DNAJC16: variants seen among roughly 807,000 people sequenced by gnomAD.
DNAJC16 encodes DnaJ heat shock protein family (Hsp40) member C16, also known as dnaJ homolog subfamily C member 16.
Under a neutral mutation model 92.7 loss-of-function variants are expected in DNAJC16, and 76 were observed. The observed-to-expected ratio is 0.82, with a 90% CI of 0.68 to 0.99. The LOEUF is 0.99. DNAJC16 is among the 50% of genes least tolerant of loss of function. The pLI, the probability that DNAJC16 is intolerant of heterozygous loss-of-function variation, is 0.00. For missense variants in DNAJC16, 869 were observed against 942.4 expected (o/e 0.92, Z 1.02); for synonymous variants, 328 against 358.7 (o/e 0.91, Z 0.97).
At chr1:15,565,857 CT>C (rs541210442) in intron 11 of DNAJC16, 61 bp from the exon 12 acceptor site, 4 of 1,523,554 alleles carry the variant, frequency 2.6e-6, no homozygotes, top group Admixed American at 1.9e-5. Context: ...TTTATTTTAT[CT>C]TTTTTTAGCT....
intron 8 of DNAJC16, 91 bp from the exon 9 acceptor site, chr1:15,562,051 G>T (rs2103425533): frequency 7.5e-7 from 1 of 1,335,080 alleles, no homozygotes; most frequent in Non-Finnish European, 1.0e-6. Context: ...CATAAGATGA[G>T]CTCCTCGTCT....
intron 4 of DNAJC16, among the ~76,000 whole-genome samples, chr1:15,539,647 C>G (rs1035199519): frequency 6.6e-6 from 1 of 152,062 alleles, no homozygotes; most frequent in Non-Finnish European, 1.5e-5. Context: ...TGGGCTTAAG[C>G]AGTCCTGCTG....
At chr1:15,548,186 A>G (rs1428939604) in intron 6 of DNAJC16, 84 bp from the exon 7 acceptor site, 2 of 1,384,320 alleles carry the variant, frequency 1.4e-6, no homozygotes, top group African/African-American at 1.4e-5. Context: ...CTCTCTGCTC[A>G]GTGATGTGAA....
At chr1:15,548,655 A>G (rs1638369583) in intron 7 of DNAJC16, among the ~76,000 whole-genome samples, 1 of 152,216 alleles carries the variant, frequency 6.6e-6, no homozygotes, top group South Asian at 2.1e-4. Flanking sequence ...TTGGAAAACC[A>G]ACAATCTTTT....
At chr1:15,539,494 C>T (rs1710880490) in intron 4 of DNAJC16, among the ~76,000 whole-genome samples, 1 of 152,024 alleles carries the variant, frequency 6.6e-6, no homozygotes, top group Non-Finnish European at 1.5e-5. Context: ...GATCCGCCCA[C>T]CTCGGTCTCC....
rs1557590424 is a variant in DNAJC16, at chr1:15,567,209, C to T, written c.1889C>T (p.Ser630Leu). Residue 630 changes from serine to leucine, a missense_variant, in exon 14 of 15, where the codon TCG (serine) becomes TTG (leucine). Ser to Leu is a moderately radical substitution (Grantham distance 145, BLOSUM62 -2). Coordinates refer to ENST00000375847, the MANE Select transcript of DNAJC16 (RefSeq NM_015291.4). ...CACATGAATGTGGTCCTCATCCTGT[C>T]GAATTCTACCAAGACCAGCCTACTA... is the stretch of plus-strand genomic sequence containing the variant. ...PGHMNVVLIL[S>L]NSTKTSLLQK... The T allele has an allele frequency of 2.5e-6, 4 of 1,614,106 alleles. No homozygotes were observed. Among genetic ancestry groups the T allele is most frequent in the Non-Finnish European group, 3.4e-6 (4 of 1,179,982 alleles).
chr1:15,567,741 G>T, intron 14 of DNAJC16, 37 bp from the exon 15 acceptor site: 2 of 1,575,480 alleles, frequency 1.3e-6, no homozygotes, highest in Non-Finnish European at 1.7e-6. Context: ...AATGTGTCAG[G>T]AAATGCCCTG....
chr1:15,532,292 C>A (rs779046285), intron 2 of DNAJC16, among the ~76,000 whole-genome samples: 1 of 152,138 alleles, frequency 6.6e-6, no homozygotes, highest in Admixed American at 6.5e-5. Flanking sequence ...AATATTTCCT[C>A]TACTTTGAAT....
intron 4 of DNAJC16, among the ~76,000 whole-genome samples, chr1:15,538,838 G>T (rs1258652373): frequency 6.6e-6 from 1 of 152,194 alleles, no homozygotes; most frequent in Non-Finnish European, 1.5e-5. Flanking sequence ...TTCTGCTTTA[G>T]CTCTGTGTTC....
Position 15,567,189 on chromosome 1 carries a change from G to GA in DNAJC16, c.1871dup (p.Asn624LysfsTer40), listed in dbSNP as rs749949928. The GA allele has an allele frequency of 6.8e-6, 11 of 1,613,990 alleles. No homozygotes were observed. Among genetic ancestry groups the GA allele is most frequent in the Admixed American group, 1.7e-5 (1 of 60,010 alleles). ...TGGTACGTCTGAGGCCAGGCCACAT[G>GA]AATGTGGTCCTCATCCTGTCGAATT... is the stretch of plus-strand genomic sequence containing the variant. On this transcript the variant is annotated frameshift_variant, in exon 14 of 15. Transcript: ENST00000375847. LOFTEE classifies it high-confidence loss of function.
In DNAJC16 at chr1:15,568,175, T is replaced by A. The variant is rs1557591249; in HGVS notation, c.2347T>A (p.Ter783ArgextTer18). ...TATCCCATCATGGCCTGAACTAGAC[T>A]GAGAGGATTTTCCAAAGAGATTTGA... ...FYIPSWPELD* is the reference protein window; with the variant it reads ...FYIPSWPELDR Residue 783 changes from the stop codon to arginine (R), a stop_lost, in exon 15 of 15, where the codon TGA becomes AGA. Coordinates refer to ENST00000375847, the MANE Select transcript of DNAJC16 (RefSeq NM_015291.4). 1 of 1,595,286 alleles carries A rather than the reference T, an allele frequency of 6.3e-7. No individual in the cohort carries two copies. Among genetic ancestry groups the A allele is most frequent in the Non-Finnish European group, 8.5e-7 (1 of 1,170,672 alleles).
At chr1:15,554,064 G>A (rs1481892473) in intron 7 of DNAJC16, among the ~76,000 whole-genome samples, 5 of 152,146 alleles carry the variant, frequency 3.3e-5, no homozygotes, top group Non-Finnish European at 7.4e-5. Flanking sequence ...TTAGCTGGGT[G>A]TGGTGGTACA....
At position 15,559,522 on chromosome 1, in the gene DNAJC16, C is replaced by T. The variant is rs775478249; in HGVS notation, c.1024-4C>T. On this transcript the variant is annotated splice_polypyrimidine_tract_variant and splice_region_variant and intron_variant, in intron 7 of 14. Coordinates refer to ENST00000375847, the MANE Select transcript of DNAJC16 (RefSeq NM_015291.4). ...AATCTAGCTGATTCTTGGTTTTTCT[C>T]TAGGCCCGAGGTATGAAGAAGCAAA... 6.2e-7 allele frequency: 1 copy of T among 1,613,862 alleles called. No homozygotes were observed. Among genetic ancestry groups the T allele is most frequent in the East Asian group, 2.2e-5 (1 of 44,876 alleles).
At chr1:15,552,041 A>T (rs970841911) in intron 7 of DNAJC16, among the ~76,000 whole-genome samples, 36 of 149,514 alleles carry the variant, frequency 2.4e-4, no homozygotes, top group South Asian at 6.3e-4. Context: ...AAAAAAAAAA[A>T]TTTTTTTTGT....
Position 15,567,906 on chromosome 1 carries a change from A to G in DNAJC16, c.2078A>G (p.Asp693Gly), listed in dbSNP as rs775642400. 37 of 1,614,208 alleles carry G rather than the reference A, an allele frequency of 2.3e-5. No homozygotes were observed. Among genetic ancestry groups the G allele is most frequent in the Non-Finnish European group, 3.1e-5 (36 of 1,180,040 alleles). Residue 693 changes from aspartate (D) to glycine (G), a missense_variant, in exon 15 of 15, where the codon GAC becomes GGC. Transcript: ENST00000375847. ...NQYDKHFMER[D>G]YTGYVLALNG... ...TATGATAAGCATTTCATGGAGCGTGACTACACTGGTTATGTACTGGCTCTG... is the reference window on the plus strand; with the variant it reads ...TATGATAAGCATTTCATGGAGCGTGGCTACACTGGTTATGTACTGGCTCTG...
intron 8 of DNAJC16, among the ~76,000 whole-genome samples, chr1:15,560,773 T>A (rs1638672452): frequency 6.6e-6 from 1 of 151,920 alleles, no homozygotes; most frequent in Admixed American, 6.6e-5. Flanking sequence ...TCCACACACT[T>A]CTCACTTTTT....
At chr1:15,534,378 G>A (rs567404354) in intron 3 of DNAJC16, 75 bp downstream of exon 3, 18 of 1,495,722 alleles carry the variant, frequency 1.2e-5, no homozygotes, top group Non-Finnish European at 1.7e-5. Context: ...GTTTTGTAAA[G>A]TTGTCAGAAA....
chr1:15,562,501 T>G (rs1181737808), intron 9 of DNAJC16, among the ~76,000 whole-genome samples, 176 bp downstream of exon 9: 5 of 151,902 alleles, frequency 3.3e-5, no homozygotes, highest in Non-Finnish European at 5.9e-5. Flanking sequence ...TTTTTTTCTT[T>G]TGAGACAGGG....
At position 15,568,246 on chromosome 1, in the gene DNAJC16, G is replaced by A. The variant is rs113017026; in HGVS notation, c.*69G>A. 33 of 1,281,956 alleles carry A rather than the reference G, an allele frequency of 2.6e-5. No individual in the cohort carries two copies. The African/African-American group carries it at 3.0e-4, about 12-fold the overall frequency. 79.4% of individuals were successfully genotyped at this position (1,281,956 alleles called of 1,614,324 possible). ...TGCCCCTGTGAACAGGTATTTTCAGGACTCAAACTACCACAATGAACAGAG... is the reference window on the plus strand; with the variant it reads ...TGCCCCTGTGAACAGGTATTTTCAGAACTCAAACTACCACAATGAACAGAG... On this transcript the variant is annotated 3_prime_UTR_variant, in exon 15 of 15. Transcript: ENST00000375847.
Sources: gnomAD v4.1 joint callset for allele counts (sites outside exome capture counted in the v4.1 genomes callset) on GRCh38, gnomAD v4.1.1 for gene constraint, MANE v1.5 for transcripts, NCBI Gene and HGNC (gene_info 2026-07-23, HGNC 2026-07-21) for gene names.